PROM1: variants seen among roughly 807,000 people sequenced by gnomAD.
The protein encoded by PROM1 is prominin 1.
Under a neutral mutation model 116.9 loss-of-function variants are expected in PROM1, and 105 were observed. The ratio of observed to expected loss-of-function variants is 0.90; its 90% CI spans 0.77 to 1.06. The LOEUF (loss-of-function observed/expected upper bound fraction) is 1.06. PROM1 is among the 50% of genes least tolerant of loss of function. The probability of loss-of-function intolerance (pLI) is 0.00; values close to 1 mark genes in which losing one functional copy is unlikely to be tolerated. For synonymous variants in PROM1, 393 were observed against 387.0 expected, an observed-to-expected ratio of 1.02 and a Z score of -0.18; for missense variants, 1,122 against 1,045.2, an observed-to-expected ratio of 1.07 and a Z score of -1.01.
intron 1 of PROM1, among the ~76,000 whole-genome samples, chr4:16,082,921 T>C (rs1745307382): frequency 6.6e-6 from 1 of 151,990 alleles, no homozygotes; most frequent in Admixed American, 6.5e-5. Flanking sequence ...CGGCGTGTTC[T>C]GGCAGGGTGC....
chr4:16,081,547 C>T lies in PROM1; in HGVS notation c.-213+2431G>A, dbSNP rs1348205624. Among the ~76,000 whole-genome samples the T allele has an allele frequency of 4.6e-5, 7 of 152,166 alleles. No individual in the cohort carries two copies. The East Asian group carries it at 1.3e-3, about 29-fold the overall frequency. On this transcript the variant is annotated intron_variant, in intron 1 of 27. Transcript: ENST00000447510. ...AATGGGATCTAATTAAACTAAAGAG[C>T]TTCTGCAGAGCAAAAGAAACTACCA...
Position 16,000,547 on chromosome 4 carries a change from T to A in PROM1, c.1527A>T (p.Ala509=). ...GTTCACAGATCAGTTTTTCCACATT[T>A]GCACCAAAGACAAAGGTAAGAACCA... ...IIVVLTFVFG[A]NVEKLICEPY... Residue 509 remains alanine (A), a synonymous_variant, in exon 14 of 28, where the codon GCA becomes GCT. Transcript: ENST00000447510. The A allele has an allele frequency of 1.9e-6, 3 of 1,593,150 alleles. No individual in the cohort carries two copies. The highest frequency in any genetic ancestry group is 2.6e-6 in the Non-Finnish European group (3 of 1,161,428).
intron 8 of PROM1, among the ~76,000 whole-genome samples, chr4:16,022,145 AAGGG>A (rs963410027): frequency 4.6e-4 from 67 of 145,576 alleles, no homozygotes; most frequent in East Asian, 1.6e-3. Flanking sequence ...GAAAGAAAGA[AAGGG>A]AGGGAGGGAG....
intron 2 of PROM1, among the ~76,000 whole-genome samples, chr4:16,057,401 A>T (rs1270508619): frequency 6.6e-6 from 1 of 152,246 alleles, no homozygotes; most frequent in Non-Finnish European, 1.5e-5. Context: ...ACAGCATCAG[A>T]TTGAAACATT....
At chr4:16,042,930 T>G (rs1735680193) in intron 2 of PROM1, among the ~76,000 whole-genome samples, 2 of 152,156 alleles carry the variant, frequency 1.3e-5, no homozygotes, top group African/African-American at 4.8e-5. Flanking sequence ...GTTCAAGAGA[T>G]TTGCAAAAAT....
In PROM1 at chr4:16,025,298, T is replaced by C. The variant is rs144688616; in HGVS notation, c.524A>G (p.Tyr175Cys). The change falls in exon 6 of 28, where the codon TAT becomes TGT. Residue 175 changes from tyrosine to cysteine, a missense_variant. Transcript: ENST00000447510. ...TACCTGGTGATTTGCCACAAAACCA[T>C]AGAAGATGCCAATGCTGCAGGAAAA... ...ICIIISIGIF[Y>C]GFVANHQVRT... 102 of 1,613,898 alleles carry C rather than the reference T, an allele frequency of 6.3e-5. No homozygotes were observed. Among genetic ancestry groups the C allele is most frequent in the African/African-American group, 4.3e-4 (32 of 75,034 alleles).
intron 13 of PROM1, among the ~76,000 whole-genome samples, chr4:16,001,695 G>A (rs975359738): frequency 1.3e-5 from 2 of 152,196 alleles, no homozygotes; most frequent in African/African-American, 4.8e-5. Context: ...CATGGGGGAG[G>A]AAACCACATC....
Position 15,995,418 on chromosome 4 carries a change from GGAGGAA to G in PROM1, c.1683-1353_1683-1348del, listed in dbSNP as rs572151333. ...GAGGAGGAGGAGGAGAAGAAGAGGA[GGAGGAA>G]GAGGAAGAAGAAGAAGATTTAAGAA... On this transcript the variant is annotated intron_variant, in intron 15 of 27. Coordinates refer to ENST00000447510, the MANE Select transcript of PROM1 (RefSeq NM_006017.3). Among the ~76,000 whole-genome samples the G allele has an allele frequency of 3.0e-4, 45 of 152,020 alleles. No homozygotes were observed. The South Asian group carries it at 8.9e-3, about 30-fold the overall frequency.
At chr4:15,994,480 A>T (rs1380267850) in intron 15 of PROM1, among the ~76,000 whole-genome samples, 1 of 152,138 alleles carries the variant, frequency 6.6e-6, no homozygotes, top group African/African-American at 2.4e-5. Context: ...TGCCAAGAAC[A>T]TTTCTCCTCT....
chr4:15,975,675 G>T (rs1715930226), intron 26 of PROM1, among the ~76,000 whole-genome samples: 1 of 152,196 alleles, frequency 6.6e-6, no homozygotes, highest in Non-Finnish European at 1.5e-5. Flanking sequence ...AAAGAAAGGT[G>T]TCCCAATGTC....
At chr4:16,033,540 T>C (rs1312022830) in intron 4 of PROM1, 31 bp from the exon 5 acceptor site, 2 of 1,475,208 alleles carry the variant, frequency 1.4e-6, no homozygotes, top group South Asian at 1.3e-5. Context: ...ACAGCACATA[T>C]TGTAGCACAA....
intron 5 of PROM1, among the ~76,000 whole-genome samples, chr4:16,028,163 G>GA (rs1269890450): frequency 7.9e-5 from 12 of 151,662 alleles, no homozygotes; most frequent in East Asian, 5.8e-4. Flanking sequence ...AAGAGAAAAA[G>GA]AAAAAAAATC....
Position 16,026,301 on chromosome 4 carries a change from C to CA in PROM1, c.510-990dup, listed in dbSNP as rs557234299. On this transcript the variant is annotated intron_variant, in intron 5 of 27. Coordinates refer to ENST00000447510, the MANE Select transcript of PROM1 (RefSeq NM_006017.3). ...TTGACCAATTGGCCTGTTTTTGTGG[C>CA]AAAAAACGTTCCATTAGAAGGTGCT... 5.8e-4 allele frequency among the ~76,000 whole-genome samples: 88 copies of CA among 151,916 alleles called. 1 individual carries two copies. The highest frequency in any genetic ancestry group is 1.9e-3 in the African/African-American group (79 of 41,456).
At position 16,006,698 on chromosome 4, in the gene PROM1, G is replaced by A. The variant is rs1227906912; in HGVS notation, c.1302-8C>T. Reference sequence around the variant, plus strand: ...ACCAGGCCACCCAGCCACCTGGAGAGGCAAGCACAGTGTTAGTATACATGA... The same window carrying A: ...ACCAGGCCACCCAGCCACCTGGAGAAGCAAGCACAGTGTTAGTATACATGA... On this transcript the variant is annotated splice_region_variant and splice_polypyrimidine_tract_variant and intron_variant, in intron 12 of 27. Transcript: ENST00000447510. The A allele has an allele frequency of 6.2e-7, 1 of 1,612,298 alleles. No individual in the cohort carries two copies. The highest frequency in any genetic ancestry group is 2.2e-5 in the East Asian group (1 of 44,826).
chr4:16,022,897 T>C (rs1229661785), intron 8 of PROM1, among the ~76,000 whole-genome samples: 2 of 152,216 alleles, frequency 1.3e-5, no homozygotes, highest in Non-Finnish European at 2.9e-5. Context: ...GTTCCTCGTC[T>C]TCTGTATCAG....
intron 2 of PROM1, among the ~76,000 whole-genome samples, chr4:16,059,629 A>G (rs1739856276): frequency 6.6e-6 from 1 of 152,162 alleles, no homozygotes; most frequent in Non-Finnish European, 1.5e-5. Context: ...GCCTAAGCCC[A>G]GGAGGTGGAG....
At chr4:15,998,568 T>C in intron 14 of PROM1, 80 bp from the exon 15 acceptor site, 1 of 1,310,380 alleles carries the variant, frequency 7.6e-7, no homozygotes, top group Non-Finnish European at 9.8e-7. Flanking sequence ...TAATATTCTG[T>C]TGAATGTATT....
At chr4:16,042,104 G>A (rs368114473) in intron 2 of PROM1, among the ~76,000 whole-genome samples, 3 of 152,176 alleles carry the variant, frequency 2.0e-5, no homozygotes, top group African/African-American at 4.8e-5. Flanking sequence ...GTGAGCCACC[G>A]TGCCTGGCCA....
At chr4:15,979,197 T>A (rs1717065260) in intron 26 of PROM1, among the ~76,000 whole-genome samples, 198 bp downstream of exon 26, 1 of 152,244 alleles carries the variant, frequency 6.6e-6, no homozygotes, top group Non-Finnish European at 1.5e-5. Flanking sequence ...AATAATTCCA[T>A]TGTTTAGAAA....
Sources: gnomAD v4.1 joint callset for allele counts (sites outside exome capture counted in the v4.1 genomes callset) on GRCh38, gnomAD v4.1.1 for gene constraint, MANE v1.5 for transcripts, NCBI Gene and HGNC (gene_info 2026-07-23, HGNC 2026-07-21) for gene names.